Variants in MTMR8 observed in about 807,000 individuals in gnomAD.
The protein encoded by MTMR8 is myotubularin related protein 8.
A neutral mutation model predicts 39.3 loss-of-function variants in MTMR8; 65 were observed. The observed-to-expected ratio is 1.65, with a 90% CI of 1.35 to 2.03. The LOEUF is 2.03. Ranked by LOEUF, MTMR8 falls within the 30% of genes most tolerant of loss-of-function variation. The probability of loss-of-function intolerance (pLI) is 0.00; values close to 1 mark genes in which losing one functional copy is unlikely to be tolerated. For synonymous variants in MTMR8, 245 were observed against 185.2 expected, an observed-to-expected ratio of 1.32 and a Z score of -2.62; for missense variants, 777 against 538.9, an observed-to-expected ratio of 1.44 and a Z score of -4.37.
intron 1 of MTMR8, among the ~76,000 whole-genome samples, chrX:64,363,810 G>A (rs1923865172): frequency 9.0e-6 from 1 of 111,691 alleles, no homozygotes; most frequent in Admixed American, 9.5e-5. Flanking sequence ...GAAGTGCAAG[G>A]GGTGGGAGAT....
chrX:64,290,286 G>T (rs890752000), intron 12 of MTMR8, among the ~76,000 whole-genome samples: 1 of 110,590 alleles, frequency 9.0e-6, no homozygotes. Context: ...AGGACAAAGA[G>T]CACTAAACTG....
chrX:64,353,031 A>G (rs1923525445), intron 4 of MTMR8, among the ~76,000 whole-genome samples: 1 of 111,677 alleles, frequency 9.0e-6, no homozygotes, highest in Admixed American at 9.5e-5. Context: ...CCCTGCATAA[A>G]TTAGGAGAAA....
intron 12 of MTMR8, among the ~76,000 whole-genome samples, chrX:64,304,726 A>T (rs1483745569): frequency 9.5e-6 from 1 of 105,097 alleles, no homozygotes; most frequent in Non-Finnish European, 2.0e-5. Flanking sequence ...TTTGCCACTC[A>T]TTCTCACTCA....
intron 12 of MTMR8, among the ~76,000 whole-genome samples, chrX:64,303,075 GT>G (rs1439439142): frequency 1.8e-5 from 2 of 112,421 alleles, no homozygotes; most frequent in Non-Finnish European, 3.8e-5. Flanking sequence ...CTTATCAGAT[GT>G]AAAATCCTTC....
Position 64,268,682 on chromosome X carries a change from G to A in MTMR8, c.1970C>T (p.Ala657Val). ...GCCAGTGGCCTCAGAGATGTCCATG[G>A]CCCCACAGATTCCTAAGTCTTTGGA... ...GFSKDLGICG[A>V]MDISEATGIS... The change falls in exon 14 of 14, where the codon GCC (alanine) becomes GTC (valine). Residue 657 changes from alanine to valine, a missense_variant. Ala to Val is a moderately conservative substitution (Grantham distance 64). Transcript: ENST00000374852. 4 of 1,211,340 alleles carry A rather than the reference G, an allele frequency of 3.3e-6. No homozygotes were observed. In the East Asian group the frequency reaches 8.9e-5, roughly 27 times the overall value.
At chrX:64,367,234 A>T (rs200985670) in intron 1 of MTMR8, among the ~76,000 whole-genome samples, 2 of 112,333 alleles carry the variant, frequency 1.8e-5, no homozygotes, top group East Asian at 5.6e-4. Flanking sequence ...ATAGAAAAAG[A>T]GGGAATCCTC....
At position 64,372,729 on chromosome X, in the gene MTMR8, C is replaced by T. The variant is rs142320744; in HGVS notation, c.25-13202G>A. ...CATAAGTTATCTAACCATTTACTCA[C>T]TGAAGGGACATATGGGTAGTTTCCA... On this transcript the variant is annotated intron_variant, in intron 1 of 13. Coordinates refer to ENST00000374852, the MANE Select transcript of MTMR8 (RefSeq NM_017677.4). Among the ~76,000 whole-genome samples the T allele has an allele frequency of 5.4e-3, 602 of 111,567 alleles. 8 individuals are homozygous for T. Among genetic ancestry groups the T allele is most frequent in the African/African-American group, 0.019 (571 of 30,597 alleles).
chrX:64,338,122 T>C (rs1049694917), intron 8 of MTMR8, among the ~76,000 whole-genome samples: 3 of 112,043 alleles, frequency 2.7e-5, no homozygotes, highest in African/African-American at 9.7e-5. Context: ...GTAACAATAT[T>C]CTTTTGCAGG....
chrX:64,380,915 G>A (rs1231695570), intron 1 of MTMR8, among the ~76,000 whole-genome samples: 1 of 111,750 alleles, frequency 8.9e-6, no homozygotes, highest in Non-Finnish European at 1.9e-5. Context: ...CCCTACAAAG[G>A]ACATGAACTC....
chrX:64,318,273 G>A (rs1216905473), intron 12 of MTMR8, among the ~76,000 whole-genome samples: 1 of 112,527 alleles, frequency 8.9e-6, no homozygotes, highest in East Asian at 2.8e-4. Flanking sequence ...GATGAGGCCA[G>A]AAATCTAGAC....
chrX:64,367,995 T>A (rs929608415), intron 1 of MTMR8, among the ~76,000 whole-genome samples: 9 of 111,641 alleles, frequency 8.1e-5, no homozygotes, highest in African/African-American at 2.3e-4. Flanking sequence ...ATGAGTGAAC[T>A]CACATTCATA....
At chrX:64,321,300 C>A (rs1430987723) in intron 12 of MTMR8, among the ~76,000 whole-genome samples, 1 of 111,841 alleles carries the variant, frequency 8.9e-6, no homozygotes, top group African/African-American at 3.2e-5. Context: ...GCTCAAACAG[C>A]TAAAGGAAAC....
chrX:64,317,312 CTTCCAAGT>C (rs1207212923), intron 12 of MTMR8, among the ~76,000 whole-genome samples: 1 of 110,558 alleles, frequency 9.0e-6, no homozygotes, highest in Non-Finnish European at 1.9e-5. Flanking sequence ...TTCCTCTTTC[CTTCCAAGT>C]TTCCAATTAT....
intron 1 of MTMR8, among the ~76,000 whole-genome samples, chrX:64,360,612 G>T (rs924274418): frequency 6.3e-5 from 7 of 111,037 alleles, no homozygotes; most frequent in Admixed American, 9.6e-5. Context: ...CAACCACAAT[G>T]CAATAGCACT....
rs1923718114 is a variant in MTMR8 at position 64,359,436 on chromosome X, T to G, written c.116A>C (p.Glu39Ala). Reference sequence around the variant, plus strand: ...TTCTTTCCGGGCTGCACCTGAAGCCTCCACATAGATCAGGTGGGTTGCAGT... The same window carrying G: ...TTCTTTCCGGGCTGCACCTGAAGCCGCCACATAGATCAGGTGGGTTGCAGT... ...YLTATHLIYV[E>A]ASGAARKETW... Residue 39 changes from glutamate (E) to alanine (A), a missense_variant, in exon 2 of 14, where the codon GAG (glutamate) becomes GCG (alanine). Coordinates refer to ENST00000374852, the MANE Select transcript of MTMR8 (RefSeq NM_017677.4). The G allele has an allele frequency of 1.7e-6, 2 of 1,207,372 alleles. No homozygotes were observed. The highest frequency in any genetic ancestry group is 2.2e-6 in the Non-Finnish European group (2 of 892,776).
At chrX:64,279,808 G>A (rs1931963784) in intron 12 of MTMR8, among the ~76,000 whole-genome samples, 1 of 111,793 alleles carries the variant, frequency 8.9e-6, no homozygotes, top group African/African-American at 3.3e-5. Context: ...GGAATAGAAT[G>A]GAGAACCCAG....
intron 3 of MTMR8, 91 bp from the exon 4 acceptor site, chrX:64,355,025 C>T (rs1923587582): frequency 1.2e-6 from 1 of 828,966 alleles, no homozygotes; most frequent in East Asian, 3.6e-5. Flanking sequence ...TTTCCTTTTC[C>T]TAAGGGAATG....
intron 6 of MTMR8, 100 bp downstream of exon 6, chrX:64,348,560 A>G: frequency 2.9e-6 from 3 of 1,025,006 alleles, no homozygotes; most frequent in Non-Finnish European, 4.0e-6. Flanking sequence ...AAACACACAT[A>G]CACAAACCTA....
At chrX:64,285,848 C>T (rs1440716283) in intron 12 of MTMR8, among the ~76,000 whole-genome samples, 1 of 110,589 alleles carries the variant, frequency 9.0e-6, no homozygotes, top group African/African-American at 3.3e-5. Context: ...AAATTTATAG[C>T]ACTAAATGCC....
Sources: allele counts gnomAD v4.1 joint callset (sites outside exome capture counted in the v4.1 genomes callset), GRCh38; gene constraint gnomAD v4.1.1; transcripts MANE v1.5; gene names NCBI Gene and HGNC (gene_info 2026-07-23, HGNC 2026-07-21).